PLCXD3: variants seen among roughly 807,000 people sequenced by gnomAD.
PLCXD3 encodes PI-PLC X domain-containing protein 3.
Under a neutral mutation model 25.5 loss-of-function variants are expected in PLCXD3, and 19 were observed. The observed-to-expected ratio is 0.75, with a 90% CI of 0.52 to 1.09. The LOEUF (loss-of-function observed/expected upper bound fraction) is 1.09, where lower values mean the gene tolerates loss of function less well. Ranked by LOEUF, PLCXD3 falls within the 50% of genes least tolerant of loss-of-function variation. The probability of loss-of-function intolerance (pLI) is 0.00; values close to 1 mark genes in which losing one functional copy is unlikely to be tolerated. For synonymous variants in PLCXD3, 174 were observed against 137.6 expected (o/e 1.26, Z -1.85); for missense variants, 411 against 388.1 (o/e 1.06, Z -0.50).
At chr5:41,407,442 C>T (rs1746385071) in intron 1 of PLCXD3, among the ~76,000 whole-genome samples, 1 of 152,130 alleles carries the variant, frequency 6.6e-6, no homozygotes, top group South Asian at 2.1e-4. Context: ...AACAATTAAT[C>T]TTAATTTTTG....
chr5:41,488,803 G>C (rs1036493301), intron 1 of PLCXD3, among the ~76,000 whole-genome samples: 2 of 147,356 alleles, frequency 1.4e-5, no homozygotes, highest in African/African-American at 2.5e-5. Context: ...AAATTTGTTT[G>C]AGTTCATTGT....
intron 1 of PLCXD3, among the ~76,000 whole-genome samples, chr5:41,399,225 C>T (rs927533241): frequency 3.3e-5 from 5 of 152,114 alleles, no homozygotes; most frequent in African/African-American, 1.2e-4. Context: ...ATATTCCATG[C>T]TCATTGATTG....
At chr5:41,493,700 C>A (rs1748761575) in intron 1 of PLCXD3, among the ~76,000 whole-genome samples, 2 of 152,216 alleles carry the variant, frequency 1.3e-5, no homozygotes, top group South Asian at 2.1e-4. Context: ...GCTGTGCTAG[C>A]AATCAGCGAG....
At position 41,439,173 on chromosome 5, in the gene PLCXD3, C is replaced by T. The variant is rs74398828; in HGVS notation, c.104-56639G>A. Among the ~76,000 whole-genome samples the T allele has an allele frequency of 9.3e-3, 1,421 of 152,264 alleles. 32 individuals are homozygous for T. The highest frequency in any genetic ancestry group is 0.033 in the African/African-American group (1,383 of 41,550). ...ACCATCCAAAGCACATTTTAATTTC[C>T]TGCATGGGTCATGAATGGAAAATTT... On this transcript the variant is annotated intron_variant, in intron 1 of 2. Coordinates refer to ENST00000377801, the MANE Select transcript of PLCXD3 (RefSeq NM_001005473.3).
chr5:41,435,152 AC>A (rs1490184439), intron 1 of PLCXD3, among the ~76,000 whole-genome samples: 2 of 152,218 alleles, frequency 1.3e-5, no homozygotes, highest in Non-Finnish European at 2.9e-5. Context: ...TAGTGAGAAT[AC>A]TATTTTGTAA....
intron 1 of PLCXD3, among the ~76,000 whole-genome samples, chr5:41,429,674 T>G (rs2445889): frequency 0.11 from 17,245 of 151,896 alleles, 1,160 homozygotes; most frequent in Non-Finnish European, 0.13. Flanking sequence ...AGGAAGTAAA[T>G]GCTCTTGAAA....
chr5:41,462,711 G>C (rs960953648), intron 1 of PLCXD3, among the ~76,000 whole-genome samples: 1 of 151,856 alleles, frequency 6.6e-6, no homozygotes, highest in African/African-American at 2.4e-5. Context: ...CTTGAACCTG[G>C]GGGGCAGAGG....
At chr5:41,316,563 C>T (rs1340306403) in intron 2 of PLCXD3, among the ~76,000 whole-genome samples, 4 of 152,154 alleles carry the variant, frequency 2.6e-5, no homozygotes, top group Non-Finnish European at 5.9e-5. Flanking sequence ...CTTAGAGTCC[C>T]CGATTCCAGG....
chr5:41,319,375 A>G (rs1259426251), intron 2 of PLCXD3, among the ~76,000 whole-genome samples: 1 of 152,154 alleles, frequency 6.6e-6, no homozygotes, highest in Non-Finnish European at 1.5e-5. Context: ...AAAACATCTT[A>G]AAACATTCAA....
chr5:41,345,856 CT>C (rs1024226707), intron 2 of PLCXD3, among the ~76,000 whole-genome samples: 4 of 150,906 alleles, frequency 2.7e-5, no homozygotes, highest in Non-Finnish European at 4.4e-5. Context: ...AGTTTCTTTT[CT>C]TTTTTTCTTT....
intron 2 of PLCXD3, among the ~76,000 whole-genome samples, chr5:41,371,105 C>T (rs1561248930): frequency 6.6e-6 from 1 of 152,132 alleles, no homozygotes; most frequent in Admixed American, 6.6e-5. Flanking sequence ...ATATTATCAA[C>T]TCTTTGATTT....
intron 1 of PLCXD3, among the ~76,000 whole-genome samples, chr5:41,488,032 G>A (rs1437899058): frequency 6.8e-6 from 1 of 147,936 alleles, no homozygotes; most frequent in Non-Finnish European, 1.5e-5. Flanking sequence ...TCGTCATTTA[G>A]CATTAGGTAT....
intron 1 of PLCXD3, among the ~76,000 whole-genome samples, chr5:41,422,142 T>C (rs1375198376): frequency 6.6e-6 from 1 of 152,232 alleles, no homozygotes; most frequent in Non-Finnish European, 1.5e-5. Flanking sequence ...TAAAGGGCTA[T>C]TGGAACTCCA....
intron 1 of PLCXD3, among the ~76,000 whole-genome samples, chr5:41,479,261 T>C (rs1020379486): frequency 1.3e-5 from 2 of 152,162 alleles, no homozygotes; most frequent in Admixed American, 6.6e-5. Context: ...ATTCAATTTA[T>C]ATGAGGTGCC....
rs1405515898 is a variant in PLCXD3 at position 41,360,363 on chromosome 5, GA to G, written c.812+21462del. Among the ~76,000 whole-genome samples, 8 of 152,244 alleles carry G rather than the reference GA, an allele frequency of 5.3e-5. 1 individual carries two copies. The highest frequency in any genetic ancestry group is 4.6e-4 in the Admixed American group (7 of 15,298). Reference sequence around the variant, plus strand: ...CTGAATTATTTTTTCTGGCAATTAAGAGATTTCATCTTGGTTTGGATCCATT... The same window carrying G: ...CTGAATTATTTTTTCTGGCAATTAAGGATTTCATCTTGGTTTGGATCCATT... On this transcript the variant is annotated intron_variant, in intron 2 of 2. Coordinates refer to ENST00000377801, the MANE Select transcript of PLCXD3 (RefSeq NM_001005473.3).
At chr5:41,491,833 C>A (rs1286964171) in intron 1 of PLCXD3, among the ~76,000 whole-genome samples, 2 of 152,062 alleles carry the variant, frequency 1.3e-5, no homozygotes, top group African/African-American at 2.4e-5. Flanking sequence ...TGTGTCTCTG[C>A]ACATGAGATG....
intron 2 of PLCXD3, among the ~76,000 whole-genome samples, chr5:41,314,264 G>A (rs1221659826): frequency 6.6e-6 from 1 of 152,158 alleles, no homozygotes; most frequent in Non-Finnish European, 1.5e-5. Flanking sequence ...AGGCAGACAA[G>A]GAAGAAATTG....
chr5:41,349,645 G>A (rs1301048844), intron 2 of PLCXD3, among the ~76,000 whole-genome samples: 5 of 152,176 alleles, frequency 3.3e-5, no homozygotes, highest in Non-Finnish European at 7.3e-5. Flanking sequence ...TTAAAGCAGA[G>A]GTTCTTGTAC....
chr5:41,507,126 T>C (rs1749065607), intron 1 of PLCXD3, among the ~76,000 whole-genome samples: 1 of 152,214 alleles, frequency 6.6e-6, no homozygotes, highest in Non-Finnish European at 1.5e-5. Context: ...GGAGCCACCA[T>C]GATTACAGAG....
Sources: gnomAD v4.1 joint callset for allele counts (sites outside exome capture counted in the v4.1 genomes callset) on GRCh38, gnomAD v4.1.1 for gene constraint, MANE v1.5 for transcripts, NCBI Gene and HGNC (gene_info 2026-07-23, HGNC 2026-07-21) for gene names.